Variants in MRTFA observed in about 807,000 individuals in gnomAD.
MRTFA encodes the protein myocardin related transcription factor A, also known as myocardin-related transcription factor A.
Under a neutral mutation model 83.5 loss-of-function variants are expected in MRTFA, and 20 were observed. The ratio of observed to expected loss-of-function variants is 0.24; its 90% confidence interval spans 0.17 to 0.35. The LOEUF (loss-of-function observed/expected upper bound fraction) is 0.35, where lower values mean the gene tolerates loss of function less well. Ranked by LOEUF, MRTFA falls within the 10% of genes least tolerant of loss-of-function variation. The pLI is 1.00. For missense variants in MRTFA, 1,200 were observed against 1,224.7 expected (o/e 0.98, Z 0.30); for synonymous variants, 659 against 541.2 (o/e 1.22, Z -3.02).
intron 3 of MRTFA, among the ~76,000 whole-genome samples, chr22:40,506,303 A>G (rs1473834726): frequency 6.6e-6 from 1 of 152,190 alleles, no homozygotes; most frequent in Non-Finnish European, 1.5e-5. Context: ...TAGTATATAA[A>G]ATATAATCCC....
In MRTFA at chr22:40,416,660, C is replaced by T. The variant is rs1469179955; in HGVS notation, c.2578+326G>A. Among the ~76,000 whole-genome samples the T allele has an allele frequency of 5.9e-5, 9 of 152,254 alleles. No individual in the cohort carries two copies. Among genetic ancestry groups the T allele is most frequent in the South Asian group, 2.1e-4 (1 of 4,836 alleles). Reference sequence around the variant, plus strand: ...TCCATTTTTGTCCTAAGGCTCCTCTCGGATCTTCCATATGATCTGCTTATT... The same window carrying T: ...TCCATTTTTGTCCTAAGGCTCCTCTTGGATCTTCCATATGATCTGCTTATT... On this transcript the variant is annotated intron_variant, in intron 14 of 14. Transcript: ENST00000355630. The surrounding 1 kb of genome is among the most constrained non-coding windows in gnomAD (Gnocchi z 4.2).
intron 3 of MRTFA, among the ~76,000 whole-genome samples, chr22:40,473,000 A>G (rs1431969075): frequency 6.6e-6 from 1 of 152,202 alleles, no homozygotes; most frequent in Admixed American, 6.5e-5. Context: ...TGTCAAGGGG[A>G]AGAAAATGGC....
chr22:40,614,490 T>A (rs2056426685), intron 1 of MRTFA, among the ~76,000 whole-genome samples: 1 of 152,126 alleles, frequency 6.6e-6, no homozygotes, highest in Non-Finnish European at 1.5e-5. Flanking sequence ...TCATAAATAT[T>A]TTTTCTTTTT....
At chr22:40,526,218 G>A (rs1311845844) in intron 3 of MRTFA, 1 of 152,072 alleles carries the variant, frequency 6.6e-6, no homozygotes, top group Non-Finnish European at 1.5e-5. Context: ...CTGTTTCACA[G>A]AGACAGCATC....
chr22:40,575,558 C>A (rs888507099), intron 2 of MRTFA, among the ~76,000 whole-genome samples: 2 of 152,158 alleles, frequency 1.3e-5, no homozygotes, highest in Non-Finnish European at 2.9e-5. Context: ...TGTTCCACAT[C>A]TTTGAATCAA....
chr22:40,555,506 T>C (rs949421829), intron 2 of MRTFA, among the ~76,000 whole-genome samples: 1 of 152,072 alleles, frequency 6.6e-6, no homozygotes, highest in Non-Finnish European at 1.5e-5. Flanking sequence ...CTATCATGTA[T>C]AAAAGCTCCT....
intron 3 of MRTFA, among the ~76,000 whole-genome samples, chr22:40,480,848 A>C (rs2054078300): frequency 6.7e-6 from 1 of 149,202 alleles, no homozygotes; most frequent in South Asian, 2.1e-4. Flanking sequence ...TCCCGGGTTC[A>C]AGCGATTCTC....
intron 2 of MRTFA, among the ~76,000 whole-genome samples, chr22:40,560,044 G>A (rs2055590956): frequency 6.6e-6 from 1 of 151,976 alleles, no homozygotes. Context: ...TGTTAATTTA[G>A]GGGATTTCAA....
At chr22:40,489,847 C>T (rs2054241591) in intron 3 of MRTFA, among the ~76,000 whole-genome samples, 1 of 151,384 alleles carries the variant, frequency 6.6e-6, no homozygotes, top group Admixed American at 6.6e-5. Context: ...GGTGTGGTGG[C>T]GAGCACCTGT....
At chr22:40,443,581 C>T (rs754645605) in intron 4 of MRTFA, among the ~76,000 whole-genome samples, 1 of 151,672 alleles carries the variant, frequency 6.6e-6, no homozygotes, top group Non-Finnish European at 1.5e-5. Context: ...AAAATATGTT[C>T]TCTCTAGCCA....
intron 12 of MRTFA, 141 bp downstream of exon 12, chr22:40,418,233 G>A (rs965614027): frequency 2.1e-6 from 3 of 1,446,200 alleles, no homozygotes; most frequent in Non-Finnish European, 2.7e-6. Context: ...CTAAGTCTCA[G>A]TACCCCCCTG....
chr22:40,453,324 G>T (rs555723849), intron 4 of MRTFA, among the ~76,000 whole-genome samples: 2 of 152,282 alleles, frequency 1.3e-5, no homozygotes, highest in East Asian at 3.9e-4. Flanking sequence ...ATAAGGAAAC[G>T]ATCACCAAAT....
intron 3 of MRTFA, among the ~76,000 whole-genome samples, chr22:40,545,728 C>T (rs1394167421): frequency 1.3e-5 from 2 of 149,622 alleles, no homozygotes; most frequent in Non-Finnish European, 3.0e-5. Context: ...CCACCACGCC[C>T]GGCCATTTTT....
intron 7 of MRTFA, 48 bp downstream of exon 7, chr22:40,429,558 T>A (rs1377991863): frequency 6.2e-7 from 1 of 1,611,254 alleles, no homozygotes; most frequent in South Asian, 1.1e-5. Context: ...CTCCCTCCCC[T>A]CCTGCATCTC....
chr22:40,454,474 G>A (rs1602268505), intron 4 of MRTFA, among the ~76,000 whole-genome samples: 1 of 152,130 alleles, frequency 6.6e-6, no homozygotes, highest in Non-Finnish European at 1.5e-5. Flanking sequence ...GTGTGTGTGT[G>A]TATATTAAAG....
rs369521786 is a variant in MRTFA, at chr22:40,436,403, T to C, written c.308-849A>G. 8.2e-4 allele frequency: 127 copies of C among 154,536 alleles called. 3 individuals are homozygous for C. In the South Asian group the frequency reaches 0.011, roughly 13 times the overall value. The allele number at this position is 154,536 out of a possible 1,614,324, so 9.6% of individuals were successfully genotyped here. On this transcript the variant is annotated intron_variant, in intron 4 of 14. Coordinates refer to ENST00000355630, the MANE Select transcript of MRTFA (RefSeq NM_020831.6). ...CCTTCTTCACTGCACCTGTTATTTA[T>C]AGTGCTGCTAAAATTAACTTGAATT...
intron 3 of MRTFA, among the ~76,000 whole-genome samples, chr22:40,521,030 AAAT>A (rs1330266278): frequency 6.6e-6 from 1 of 151,968 alleles, no homozygotes; most frequent in Admixed American, 6.6e-5. Flanking sequence ...ACATAATAAG[AAAT>A]AATAAACAGC....
rs567776831 is a variant in MRTFA, at chr22:40,539,659, C to T, written c.241+12447G>A. The stretch of plus-strand genomic sequence containing the variant: ...CTGGGATTACAGGCACACACCACCA[C>T]GCCTGGCTAATTTTTGTATTTTTAA... On this transcript the variant is annotated intron_variant, in intron 3 of 14. Coordinates refer to ENST00000355630, the MANE Select transcript of MRTFA (RefSeq NM_020831.6). 3.3e-5 allele frequency among the ~76,000 whole-genome samples: 5 copies of T among 151,912 alleles called. No individual in the cohort carries two copies. In the South Asian group the frequency reaches 6.2e-4, roughly 19 times the overall value.
Position 40,420,966 on chromosome 22 carries a change from G to A in MRTFA, c.1062C>T (p.Pro354=). 1.2e-6 allele frequency: 2 copies of A among 1,612,902 alleles called. No individual in the cohort carries two copies. The highest frequency in any genetic ancestry group is 1.3e-5 in the African/African-American group (1 of 75,058). Residue 354 remains proline (P), a synonymous_variant, in exon 10 of 15, where the codon CCC becomes CCT. Coordinates refer to ENST00000355630, the MANE Select transcript of MRTFA (RefSeq NM_020831.6). ...GGATCTTGGCGTAGGATGAGTCCAT[G>A]GGGGGTGCCCCCCTGTCCTGCTTCT...
Sources: gnomAD v4.1 joint callset for allele counts (sites outside exome capture counted in the v4.1 genomes callset) on GRCh38, gnomAD v4.1.1 for gene constraint, Gnocchi (gnomAD v3.1) non-coding constraint, MANE v1.5 for transcripts, NCBI Gene and HGNC (gene_info 2026-07-23, HGNC 2026-07-21) for gene names.